ZNF98: variants seen among roughly 807,000 people sequenced by gnomAD.
The protein encoded by ZNF98 is zinc finger protein 739.
A neutral mutation model predicts 12.8 loss-of-function variants in ZNF98; 8 were observed. The ratio of observed to expected loss-of-function variants is 0.63; its 90% CI spans 0.37 to 1.13. ZNF98 has a LOEUF of 1.13. Ranked by LOEUF, ZNF98 falls within the 50% of genes most tolerant of loss-of-function variation. The pLI is 0.01. For synonymous variants in ZNF98, 112 were observed against 223.5 expected (o/e 0.50, Z 4.45); for missense variants, 379 against 666.1 (o/e 0.57, Z 4.74).
chr19:22,398,038 T>C (rs1161648962), intron 3 of ZNF98, among the ~76,000 whole-genome samples: 4 of 151,072 alleles, frequency 2.6e-5, no homozygotes, highest in African/African-American at 9.7e-5. Context: ...TAAAAGCCAG[T>C]AGGTAAAAGC....
chr19:22,402,175 C>CAAAAAA (rs869111485), intron 3 of ZNF98, among the ~76,000 whole-genome samples: 195 of 60,082 alleles, frequency 3.2e-3, no homozygotes, highest in Middle Eastern at 0.016. Context: ...GACTCCATCT[C>CAAAAAA]AAAAAAAAAA....
intron 3 of ZNF98, among the ~76,000 whole-genome samples, chr19:22,399,214 T>A (rs1165772918): frequency 6.6e-6 from 1 of 152,220 alleles, no homozygotes; most frequent in Non-Finnish European, 1.5e-5. Context: ...ATAACTGGAA[T>A]ATTTTACTGT....
chr19:22,419,046 T>C (rs143374128), intron 1 of ZNF98, among the ~76,000 whole-genome samples: 1 of 152,310 alleles, frequency 6.6e-6, no homozygotes, highest in East Asian at 1.9e-4. Flanking sequence ...GAGTTCGAGG[T>C]AAAACATTAA....
chr19:22,400,235 A>T (rs1241353636), intron 3 of ZNF98, among the ~76,000 whole-genome samples: 4 of 151,956 alleles, frequency 2.6e-5, no homozygotes, highest in Admixed American at 2.6e-4. Flanking sequence ...GACCTTGGCC[A>T]TTACTGTGGT....
At chr19:22,407,793 G>A (rs1360892197) in intron 1 of ZNF98, among the ~76,000 whole-genome samples, 1 of 151,768 alleles carries the variant, frequency 6.6e-6, no homozygotes, top group Non-Finnish European at 1.5e-5. Flanking sequence ...CCACCAGGTC[G>A]GGCGCGGTAG....
At chr19:22,407,948 A>C (rs572343678) in intron 1 of ZNF98, among the ~76,000 whole-genome samples, 60 of 149,860 alleles carry the variant, frequency 4.0e-4, no homozygotes, top group Non-Finnish European at 7.8e-4. Flanking sequence ...GTGCATGCCT[A>C]TAATCCCAGC....
At chr19:22,420,812 C>A (rs1054225079) in intron 1 of ZNF98, among the ~76,000 whole-genome samples, 1 of 152,172 alleles carries the variant, frequency 6.6e-6, no homozygotes, top group African/African-American at 2.4e-5. Flanking sequence ...CATCTTGACA[C>A]TAAAACATTA....
intron 1 of ZNF98, among the ~76,000 whole-genome samples, chr19:22,405,863 T>C (rs1969513432): frequency 6.6e-6 from 1 of 152,124 alleles, no homozygotes; most frequent in East Asian, 1.9e-4. Context: ...AGACTACAGC[T>C]ACAGCACCTC....
intron 1 of ZNF98, among the ~76,000 whole-genome samples, chr19:22,407,666 A>C (rs574902030): frequency 1.7e-3 from 255 of 147,096 alleles, no homozygotes; most frequent in Middle Eastern, 3.8e-3. Context: ...GAGCCGAGAT[A>C]ATGCCACTAT....
At position 22,391,558 on chromosome 19, in the gene ZNF98, T is replaced by C; in HGVS notation, c.1677A>G (p.Ala559=). Residue 559 remains alanine (A), a synonymous_variant, in exon 4 of 4, where the codon GCA becomes GCG. Coordinates refer to ENST00000357774, the MANE Select transcript of ZNF98 (RefSeq NM_001098626.2). ...AATTTCTTTTATATTTGGAAATCTT[T>C]GCAATGTTGTCACAAGCATTGTTAC... The part of the protein sequence containing the change: ...ESCNNACDNI[A]KISKYKRNCA... 1 of 1,595,570 alleles carries C rather than the reference T, an allele frequency of 6.3e-7. No individual in the cohort carries two copies. Among genetic ancestry groups the C allele is most frequent in the Non-Finnish European group, 8.5e-7 (1 of 1,170,298 alleles).
intron 1 of ZNF98, among the ~76,000 whole-genome samples, chr19:22,414,101 G>A (rs1271142307): frequency 6.6e-6 from 1 of 151,280 alleles, no homozygotes; most frequent in African/African-American, 2.4e-5. Flanking sequence ...CGGGCGTGGT[G>A]GCAGGCATCT....
rs1969329205 is a variant in ZNF98, at chr19:22,391,902, G to C, written c.1333C>G (p.Leu445Val). Residue 445 changes from leucine to valine, a missense_variant, in exon 4 of 4, where the codon CTA (leucine) becomes GTA (valine). Physicochemically the swap from Leu to Val is conservative, Grantham distance 32. Coordinates refer to ENST00000357774, the MANE Select transcript of ZNF98 (RefSeq NM_001098626.2). ...TTATGTGTAGTAAGTTGTGATGATA[G>C]GTTAAAAGCTTTGCCACATTCTTCA... ...KCEECGKAFN[L>V]SSQLTTHKII... The C allele has an allele frequency of 7.6e-7, 1 of 1,313,456 alleles. No individual in the cohort carries two copies. Among genetic ancestry groups the C allele is most frequent in the Non-Finnish European group, 1.0e-6 (1 of 964,632 alleles). The allele number at this position is 1,313,456 out of a possible 1,614,324, so 81.4% of individuals were successfully genotyped here.
intron 3 of ZNF98, 124 bp downstream of exon 3, chr19:22,402,665 T>G: frequency 8.7e-7 from 1 of 1,153,218 alleles, no homozygotes; most frequent in Non-Finnish European, 1.2e-6. Context: ...AAATTCAAGT[T>G]TCCTAGAAAC....
chr19:22,406,731 G>C (rs1161009498), intron 1 of ZNF98, among the ~76,000 whole-genome samples: 2 of 151,804 alleles, frequency 1.3e-5, no homozygotes, highest in Non-Finnish European at 2.9e-5. Context: ...GCAGAAGAAT[G>C]ACGTGAACCT....
rs1456163205 is a variant in ZNF98 at position 22,391,506 on chromosome 19, C to G, written c.*10G>C. 1 of 1,540,866 alleles carries G rather than the reference C, an allele frequency of 6.5e-7. No individual in the cohort carries two copies. The highest frequency in any genetic ancestry group is 2.1e-5 in the Admixed American group (1 of 48,086). ...AACCATTTAAAGGCTTTGTCACATT[C>G]ATATTTCTATTATTTCTCACCAGCA... On this transcript the variant is annotated 3_prime_UTR_variant, in exon 4 of 4. Coordinates refer to ENST00000357774, the MANE Select transcript of ZNF98 (RefSeq NM_001098626.2).
chr19:22,399,070 AAAACACAAT>A (rs1969429141), intron 3 of ZNF98, among the ~76,000 whole-genome samples: 1 of 152,230 alleles, frequency 6.6e-6, no homozygotes, highest in Non-Finnish European at 1.5e-5. Context: ...GTAAAACCAA[AAAACACAAT>A]AAACTTATGT....
At position 22,392,859 on chromosome 19, in the gene ZNF98, A is replaced by C. The variant is rs779611912; in HGVS notation, c.376T>G (p.Cys126Gly). The change falls in exon 4 of 4, where the codon TGT (cysteine) becomes GGT (glycine). Residue 126 changes from cysteine to glycine, a missense_variant. By Grantham distance (159) the Cys-to-Gly change is radical. Transcript: ENST00000357774. The stretch of plus-strand genomic sequence containing the variant: ...ACCTTACACTCATCCATGCTTTTAC[A>C]GTATTTTCTTAACTGTAAATTTTCA... ...GRENLQLRKY[C>G]KSMDECKVHK... The C allele has an allele frequency of 2.3e-5, 37 of 1,609,800 alleles. No homozygotes were observed. The highest frequency in any genetic ancestry group is 3.4e-6 in the Non-Finnish European group (4 of 1,178,798).
chr19:22,417,863 G>T, intron 1 of ZNF98, among the ~76,000 whole-genome samples: 1 of 152,128 alleles, frequency 6.6e-6, no homozygotes, highest in East Asian at 1.9e-4. Context: ...TGTGGGAAAA[G>T]GGGGTCTGCT....
At chr19:22,419,832 T>A (rs759242309) in intron 1 of ZNF98, among the ~76,000 whole-genome samples, 1 of 152,122 alleles carries the variant, frequency 6.6e-6, no homozygotes, top group Non-Finnish European at 1.5e-5. Context: ...ATATTCACTG[T>A]CACAAATTTA....
Sources: gnomAD v4.1 joint callset for allele counts (sites outside exome capture counted in the v4.1 genomes callset) on GRCh38, gnomAD v4.1.1 for gene constraint, MANE v1.5 for transcripts, NCBI Gene and HGNC (gene_info 2026-07-23, HGNC 2026-07-21) for gene names.